DUSP29: variants seen among roughly 807,000 people sequenced by gnomAD.
DUSP29 encodes atypical dual-specific protein phosphatase.
Under a neutral mutation model 13.5 loss-of-function variants are expected in DUSP29, and 12 were observed. The ratio of observed to expected loss-of-function variants is 0.89; its 90% CI spans 0.57 to 1.44. The LOEUF is 1.44. Ranked by LOEUF, DUSP29 falls within the 40% of genes most tolerant of loss-of-function variation. DUSP29 has a pLI of 0.00. For missense variants in DUSP29, 308 were observed against 301.1 expected (o/e 1.02, Z -0.17); for synonymous variants, 134 against 128.7 (o/e 1.04, Z -0.28).
At chr10:75,045,202 C>CA (rs1846678819) in intron 2 of DUSP29, among the ~76,000 whole-genome samples, 1 of 151,994 alleles carries the variant, frequency 6.6e-6, no homozygotes, top group Non-Finnish European at 1.5e-5. Context: ...ACTAATAATA[C>CA]AAAAAGAAAA....
chr10:75,038,249 G>C (rs2134277933), intron 3 of DUSP29, among the ~76,000 whole-genome samples, 172 bp from the exon 4 acceptor site: 1 of 152,192 alleles, frequency 6.6e-6, no homozygotes, highest in East Asian at 1.9e-4. Context: ...TTCTTCATAG[G>C]GTTGTTGAGA....
At chr10:75,059,801 C>A (rs755332465) in intron 1 of DUSP29, among the ~76,000 whole-genome samples, 7 of 152,152 alleles carry the variant, frequency 4.6e-5, no homozygotes, top group Non-Finnish European at 1.0e-4. Flanking sequence ...AAAACTGGAA[C>A]AATTTGAACA....
rs890205646 is a variant in DUSP29 at position 75,042,555 on chromosome 10, G to C, written c.421+1242C>G. 3.3e-5 allele frequency among the ~76,000 whole-genome samples: 5 copies of C among 152,216 alleles called. No homozygotes were observed. In the East Asian group the frequency reaches 5.8e-4, roughly 18 times the overall value. On this transcript the variant is annotated intron_variant, in intron 3 of 3. Coordinates refer to ENST00000338487, the MANE Select transcript of DUSP29 (RefSeq NM_001003892.3). The stretch of plus-strand genomic sequence containing the variant: ...TCATAAAAGGAAGGCCTGGAAATGA[G>C]GCATCTTCTAATACAGGCATGTTAG...
chr10:75,043,674 C>A (rs1846633034), intron 3 of DUSP29, 123 bp downstream of exon 3: 12 of 943,382 alleles, frequency 1.3e-5, no homozygotes, highest in Non-Finnish European at 1.5e-5. Flanking sequence ...GGGCTAAGGG[C>A]GGAGCCTAGG....
intron 2 of DUSP29, among the ~76,000 whole-genome samples, chr10:75,052,156 T>G (rs1174585378): frequency 6.6e-6 from 1 of 152,212 alleles, no homozygotes; most frequent in East Asian, 1.9e-4. Flanking sequence ...TAGCACTCGA[T>G]TAACTAGAAC....
At chr10:75,066,183 G>A (rs1039553216) in intron 1 of DUSP29, among the ~76,000 whole-genome samples, 8 of 152,184 alleles carry the variant, frequency 5.3e-5, no homozygotes, top group Non-Finnish European at 1.2e-4. Flanking sequence ...GGGGCCCTGC[G>A]GCAGGACTGA....
intron 2 of DUSP29, among the ~76,000 whole-genome samples, chr10:75,047,717 A>G (rs1846734737): frequency 6.6e-6 from 1 of 152,178 alleles, no homozygotes; most frequent in African/African-American, 2.4e-5. Context: ...AGTCTGTTCA[A>G]TTTTTAAATA....
chr10:75,048,919 C>T (rs901334543), intron 2 of DUSP29, among the ~76,000 whole-genome samples: 1 of 152,100 alleles, frequency 6.6e-6, no homozygotes, highest in African/African-American at 2.4e-5. Flanking sequence ...TGGGAGCCTC[C>T]GTTTTCTTTG....
At chr10:75,048,108 T>G (rs2134286866) in intron 2 of DUSP29, among the ~76,000 whole-genome samples, 1 of 152,360 alleles carries the variant, frequency 6.6e-6, no homozygotes, top group South Asian at 2.1e-4. Context: ...GAGACATTTT[T>G]AAAGGTGAAA....
intron 2 of DUSP29, among the ~76,000 whole-genome samples, chr10:75,050,963 C>A (rs184359845): frequency 1.5e-4 from 23 of 152,332 alleles, no homozygotes; most frequent in Admixed American, 1.5e-3. Context: ...GCAGTGAGGA[C>A]TTGGAATTAC....
intron 2 of DUSP29, among the ~76,000 whole-genome samples, chr10:75,056,829 C>G (rs899065133): frequency 6.6e-6 from 1 of 151,984 alleles, no homozygotes; most frequent in African/African-American, 2.4e-5. Context: ...TCTTTATAAC[C>G]CTCTACCTCA....
At chr10:75,040,446 C>A (rs577037160) in intron 3 of DUSP29, among the ~76,000 whole-genome samples, 2 of 152,194 alleles carry the variant, frequency 1.3e-5, no homozygotes, top group African/African-American at 4.8e-5. Flanking sequence ...TAATTCACCT[C>A]GGAGGATGCC....
intron 3 of DUSP29, among the ~76,000 whole-genome samples, chr10:75,041,326 T>C (rs985648690): frequency 1.3e-5 from 2 of 152,208 alleles, no homozygotes; most frequent in Admixed American, 6.5e-5. Flanking sequence ...GTCTGTCCTT[T>C]GCAGCATTTT....
chr10:75,040,041 TGTG>T (rs1428483871), intron 3 of DUSP29, among the ~76,000 whole-genome samples: 2 of 151,534 alleles, frequency 1.3e-5, no homozygotes, highest in African/African-American at 2.4e-5. Flanking sequence ...ATTCACCAGG[TGTG>T]GTGGTGGGCA....
intron 1 of DUSP29, among the ~76,000 whole-genome samples, 129 bp from the exon 2 acceptor site, chr10:75,058,677 C>T (rs990247807): frequency 3.3e-5 from 5 of 152,164 alleles, no homozygotes; most frequent in African/African-American, 4.8e-5. Context: ...TGCTATGCCC[C>T]GGCTTCCTCT....
intron 1 of DUSP29, among the ~76,000 whole-genome samples, chr10:75,062,877 G>T (rs1847121278): frequency 6.6e-6 from 1 of 152,190 alleles, no homozygotes; most frequent in Non-Finnish European, 1.5e-5. Flanking sequence ...GCTGTCAAGA[G>T]AGGCCCCCAG....
chr10:75,057,574 A>C (rs1846987912), intron 2 of DUSP29, among the ~76,000 whole-genome samples: 1 of 152,164 alleles, frequency 6.6e-6, no homozygotes, highest in East Asian at 1.9e-4. Context: ...GTAAAATGAG[A>C]TCATGCATGC....
At chr10:75,045,236 G>A (rs905065332) in intron 2 of DUSP29, among the ~76,000 whole-genome samples, 3 of 152,178 alleles carry the variant, frequency 2.0e-5, no homozygotes, top group Non-Finnish European at 2.9e-5. Flanking sequence ...CAGGTGTGAT[G>A]GCGCATGCCT....
intron 1 of DUSP29, among the ~76,000 whole-genome samples, chr10:75,070,955 C>G (rs1275328506): frequency 6.6e-6 from 1 of 152,258 alleles, no homozygotes; most frequent in African/African-American, 2.4e-5. Flanking sequence ...CAGCTAACTC[C>G]TGGCCCAGGA....
Sources: allele counts gnomAD v4.1 joint callset (sites outside exome capture counted in the v4.1 genomes callset), GRCh38; gene constraint gnomAD v4.1.1; transcripts MANE v1.5; gene names NCBI Gene and HGNC (gene_info 2026-07-23, HGNC 2026-07-21).